The following GPC5 variants were observed in gnomAD, a reference collection of about 807,000 sequenced individuals.
GPC5 encodes the protein glypican-5.
A neutral mutation model predicts 53.9 loss-of-function variants in GPC5; 47 were observed. That is an observed-to-expected ratio of 0.87 (90% CI 0.69 to 1.11). The LOEUF (loss-of-function observed/expected upper bound fraction) is 1.11. Among genes scored for constraint, GPC5 ranks in the 50% most tolerant of loss-of-function variants. The pLI is 0.00. For synonymous variants in GPC5, 286 were observed against 263.3 expected (o/e 1.09, Z -0.84); for missense variants, 748 against 713.1 (o/e 1.05, Z -0.56).
At chr13:92,223,030 C>T (rs929899074) in intron 7 of GPC5, among the ~76,000 whole-genome samples, 2 of 151,776 alleles carry the variant, frequency 1.3e-5, no homozygotes, top group African/African-American at 2.4e-5. Context: ...GACTATAATC[C>T]CGAATATAAT....
rs140818700 is a variant in GPC5 at position 92,524,525 on chromosome 13, C to T, written c.1562-341757C>T. 4.4e-3 allele frequency among the ~76,000 whole-genome samples: 663 copies of T among 152,164 alleles called. 6 individuals carry two copies. The highest frequency in any genetic ancestry group is 0.015 in the African/African-American group (628 of 41,538). The stretch of plus-strand genomic sequence containing the variant: ...CATGGATACAAAAGGCCAACTGCTA[C>T]TGATTTATGCACTCATATTTCTATG... On this transcript the variant is annotated intron_variant, in intron 7 of 7. Coordinates refer to ENST00000377067, the MANE Select transcript of GPC5 (RefSeq NM_004466.6).
intron 7 of GPC5, among the ~76,000 whole-genome samples, chr13:92,570,593 G>A (rs1206036406): frequency 6.6e-6 from 1 of 151,896 alleles, no homozygotes; most frequent in East Asian, 1.9e-4. Context: ...ATTTTACTTA[G>A]TTGATATAAT....
intron 7 of GPC5, among the ~76,000 whole-genome samples, chr13:92,754,396 C>T (rs1317968436): frequency 6.6e-6 from 1 of 152,144 alleles, no homozygotes; most frequent in Non-Finnish European, 1.5e-5. Flanking sequence ...TAAAGACCAT[C>T]AAGAATAGGA....
At chr13:92,026,572 A>C (rs1371287270) in intron 6 of GPC5, among the ~76,000 whole-genome samples, 1 of 151,860 alleles carries the variant, frequency 6.6e-6, no homozygotes, top group Admixed American at 6.6e-5. Context: ...AGGTCCAGCT[A>C]CCTTATAAAA....
chr13:92,527,248 A>G (rs1439026003), intron 7 of GPC5, among the ~76,000 whole-genome samples: 1 of 20,082 alleles, frequency 5.0e-5, no homozygotes, highest in Non-Finnish European at 8.9e-5. Flanking sequence ...AAAGAAAGAA[A>G]GAGAAAGAAA....
In GPC5 at chr13:91,693,828, GT is replaced by G. The variant is rs766652257; in HGVS notation, c.969del (p.Asn324MetfsTer18). 7 of 1,611,992 alleles carry G rather than the reference GT, an allele frequency of 4.3e-6. No individual in the cohort carries two copies. Among genetic ancestry groups the G allele is most frequent in the African/African-American group, 1.3e-5 (1 of 74,922 alleles). ...GHVLLNFHLLVNDAVLQAHLN... is the reference protein window; with the variant it reads ...GHVLLNFHLLXNDAVLQAHLN... ...CGTGCTGCTGAACTTTCACTTGCTT[GT>G]TAATGATGCTGTGTTACAGGCTCAC... On this transcript the variant is annotated frameshift_variant, in exon 3 of 8. Transcript: ENST00000377067. LOFTEE classifies it high-confidence loss of function.
intron 1 of GPC5, among the ~76,000 whole-genome samples, chr13:91,411,924 A>G (rs760640083): frequency 1.3e-5 from 2 of 152,194 alleles, no homozygotes; most frequent in Non-Finnish European, 2.9e-5. Context: ...TTACTTTATA[A>G]AAGTTTTTAG....
intron 7 of GPC5, among the ~76,000 whole-genome samples, chr13:92,170,712 A>G (rs2042064605): frequency 6.6e-6 from 1 of 152,132 alleles, no homozygotes; most frequent in South Asian, 2.1e-4. Context: ...GGCGTAAGCC[A>G]CCATGCCCAG....
At chr13:91,443,341 G>A (rs912615002) in intron 1 of GPC5, among the ~76,000 whole-genome samples, 3 of 152,162 alleles carry the variant, frequency 2.0e-5, no homozygotes, top group African/African-American at 7.2e-5. Context: ...ACAGAGAAAT[G>A]GCCATGTGAG....
intron 6 of GPC5, among the ~76,000 whole-genome samples, chr13:91,976,767 C>T (rs538580330): frequency 8.5e-5 from 13 of 152,204 alleles, no homozygotes; most frequent in South Asian, 4.1e-4. Context: ...AGGCCGAGCG[C>T]GGTGGCTCAC....
intron 6 of GPC5, among the ~76,000 whole-genome samples, chr13:91,925,165 T>C (rs2039755279): frequency 6.6e-6 from 1 of 152,108 alleles, no homozygotes; most frequent in South Asian, 2.1e-4. Context: ...TATTGTAAAT[T>C]TAAAACAAAA....
intron 2 of GPC5, among the ~76,000 whole-genome samples, chr13:91,664,617 T>C (rs913129265): frequency 6.6e-6 from 1 of 152,254 alleles, no homozygotes; most frequent in East Asian, 1.9e-4. Context: ...TGTATATACA[T>C]GGCCTGCATC....
chr13:91,751,585 G>A (rs2037177790), intron 4 of GPC5, among the ~76,000 whole-genome samples: 1 of 152,140 alleles, frequency 6.6e-6, no homozygotes, highest in African/African-American at 2.4e-5. Flanking sequence ...TAAAGCTTCA[G>A]CCTAGAAGGA....
At chr13:91,410,339 C>CTTTTTTTTTTTTTTT (rs66787310) in intron 1 of GPC5, among the ~76,000 whole-genome samples, 1 of 89,838 alleles carries the variant, frequency 1.1e-5, no homozygotes, top group African/African-American at 4.3e-5. Flanking sequence ...CGTTTCCATT[C>CTTTTTTTTTTTTTTT]TTTTTTTTTT....
intron 7 of GPC5, among the ~76,000 whole-genome samples, chr13:92,844,945 G>A (rs1013965635): frequency 6.6e-6 from 1 of 152,120 alleles, no homozygotes; most frequent in Non-Finnish European, 1.5e-5. Flanking sequence ...ACTGCTCACA[G>A]ATACAGTTGG....
intron 6 of GPC5, among the ~76,000 whole-genome samples, chr13:92,101,890 A>G (rs946235228): frequency 6.6e-6 from 1 of 152,238 alleles, no homozygotes; most frequent in African/African-American, 2.4e-5. Context: ...CAACAACTTT[A>G]AAATATTCAA....
intron 6 of GPC5, among the ~76,000 whole-genome samples, chr13:91,917,251 A>G (rs1350840949): frequency 3.3e-5 from 5 of 152,170 alleles, no homozygotes; most frequent in South Asian, 2.1e-4. Context: ...CTGAAATCCA[A>G]TAGGGCAGTT....
intron 7 of GPC5, among the ~76,000 whole-genome samples, chr13:92,170,453 T>TCTCA (rs2042062149): frequency 8.6e-6 from 1 of 116,726 alleles, no homozygotes; most frequent in African/African-American, 3.4e-5. Context: ...TGAGACAGAG[T>TCTCA]CTCACTCTTT....
At chr13:92,084,409 G>T (rs1423367435) in intron 6 of GPC5, among the ~76,000 whole-genome samples, 1 of 152,172 alleles carries the variant, frequency 6.6e-6, no homozygotes, top group Non-Finnish European at 1.5e-5. Flanking sequence ...AACAGTTCAG[G>T]CTAGAGGTAA....
Sources: gnomAD v4.1 joint callset for allele counts (sites outside exome capture counted in the v4.1 genomes callset) on GRCh38, gnomAD v4.1.1 for gene constraint, MANE v1.5 for transcripts, NCBI Gene and HGNC (gene_info 2026-07-23, HGNC 2026-07-21) for gene names.